Variants in RASAL2 observed in about 807,000 individuals in gnomAD.
The protein encoded by RASAL2 is ras GTPase-activating protein nGAP.
A neutral mutation model predicts 128.9 loss-of-function variants in RASAL2; 58 were observed. The ratio of observed to expected loss-of-function variants is 0.45; its 90% CI spans 0.36 to 0.56. RASAL2 has a LOEUF of 0.56. RASAL2 is among the 20% of genes least tolerant of loss of function. RASAL2 has a pLI of 0.00. For synonymous variants in RASAL2, 561 were observed against 580.8 expected (o/e 0.97, Z 0.49); for missense variants, 1,360 against 1,601.6 (o/e 0.85, Z 2.57).
At chr1:178,330,608 T>A (rs1309994525) in intron 3 of RASAL2, among the ~76,000 whole-genome samples, 1 of 152,138 alleles carries the variant, frequency 6.6e-6, no homozygotes, top group Non-Finnish European at 1.5e-5. Flanking sequence ...AGATTAAAAA[T>A]GTTCTCTGGT....
rs1172478476 is a variant in RASAL2, at chr1:178,124,464, T to A, written c.202+29770T>A. On this transcript the variant is annotated intron_variant, in intron 1 of 17. Transcript: ENST00000367649. ...AGGGTAAGTACCTAGGCTGAGAAACTCTGCCTTAGAGAAATGTTTTCTAAA... is the reference window on the plus strand; with the variant it reads ...AGGGTAAGTACCTAGGCTGAGAAACACTGCCTTAGAGAAATGTTTTCTAAA... Among the ~76,000 whole-genome samples the A allele has an allele frequency of 2.6e-5, 4 of 152,306 alleles. No individual in the cohort carries two copies. In the East Asian group the frequency reaches 7.7e-4, roughly 29 times the overall value.
intron 16 of RASAL2, 94 bp from the exon 17 acceptor site, chr1:178,467,240 T>C (rs915171229): frequency 3.2e-6 from 3 of 949,158 alleles, no homozygotes; most frequent in African/African-American, 3.3e-5. Context: ...AGGTGTCTTA[T>C]TAAAAAGGGC....
intron 9 of RASAL2, among the ~76,000 whole-genome samples, chr1:178,448,280 A>G (rs527976145): frequency 1.4e-3 from 207 of 152,326 alleles, no homozygotes; most frequent in African/African-American, 4.8e-3. Context: ...GAAATTATGG[A>G]AGGTAAAGAA....
chr1:178,259,192 G>A (rs888857168), intron 1 of RASAL2, among the ~76,000 whole-genome samples: 11 of 137,198 alleles, frequency 8.0e-5, no homozygotes, highest in Non-Finnish European at 1.5e-4. Context: ...GTGCAGTGGC[G>A]CAATCTCGGC....
intron 1 of RASAL2, among the ~76,000 whole-genome samples, chr1:178,164,674 T>C (rs1661456481): frequency 6.6e-6 from 1 of 152,150 alleles, no homozygotes. Context: ...TTACTGAGCA[T>C]GGCATTAAAA....
At chr1:178,172,027 C>G (rs1661722207) in intron 1 of RASAL2, among the ~76,000 whole-genome samples, 3 of 151,938 alleles carry the variant, frequency 2.0e-5, no homozygotes, top group Middle Eastern at 3.4e-3. Context: ...TCCATTCATT[C>G]ATTCATTGAT....
chr1:178,474,406 A>G lies in RASAL2; in HGVS notation c.*1167A>G, dbSNP rs975063563. 7 of 152,244 alleles carry G rather than the reference A, an allele frequency of 4.6e-5. No individual in the cohort carries two copies. The highest frequency in any genetic ancestry group is 8.8e-5 in the Non-Finnish European group (6 of 68,044). The allele number at this position is 152,244 out of a possible 1,614,324, so 9.4% of individuals were successfully genotyped here. On this transcript the variant is annotated 3_prime_UTR_variant, in exon 18 of 18. Coordinates refer to ENST00000367649, the MANE Select transcript of RASAL2 (RefSeq NM_170692.4). ...TACTTCTTCCCCTTATCCCCTCAATAAAGAAAGGAAATCCAAATTTGAAGC... is the reference window on the plus strand; with the variant it reads ...TACTTCTTCCCCTTATCCCCTCAATGAAGAAAGGAAATCCAAATTTGAAGC...
At chr1:178,166,474 G>T (rs1031045688) in intron 1 of RASAL2, among the ~76,000 whole-genome samples, 9 of 152,088 alleles carry the variant, frequency 5.9e-5, no homozygotes, top group African/African-American at 2.2e-4. Context: ...TGATTAAAAA[G>T]AACATCTTTT....
intron 2 of RASAL2, among the ~76,000 whole-genome samples, chr1:178,285,679 A>T (rs1666996850): frequency 6.6e-6 from 1 of 152,228 alleles, no homozygotes; most frequent in Non-Finnish European, 1.5e-5. Context: ...TTAGTATAGA[A>T]CATTTCTAAT....
intron 3 of RASAL2, among the ~76,000 whole-genome samples, chr1:178,351,534 A>G (rs1205857580): frequency 6.6e-6 from 1 of 152,134 alleles, no homozygotes; most frequent in Non-Finnish European, 1.5e-5. Context: ...GATCAAGACC[A>G]TCCTGGCTAA....
chr1:178,157,530 A>G (rs553560497), intron 1 of RASAL2, among the ~76,000 whole-genome samples: 14 of 152,288 alleles, frequency 9.2e-5, no homozygotes, highest in African/African-American at 3.4e-4. Flanking sequence ...TCTAATTCCC[A>G]AGGCTGCAGG....
chr1:178,285,144 C>G (rs1362198697), intron 2 of RASAL2, among the ~76,000 whole-genome samples: 1 of 116,476 alleles, frequency 8.6e-6, no homozygotes, highest in South Asian at 2.9e-4. Context: ...GACGGAGTCT[C>G]GCTCTGTCAC....
rs936424165 is a variant in RASAL2, at chr1:178,410,301, A to G, written c.565-10210A>G. Among the ~76,000 whole-genome samples the G allele has an allele frequency of 3.3e-5, 5 of 150,978 alleles. No homozygotes were observed. In the South Asian group the frequency reaches 1.1e-3, roughly 32 times the overall value. On this transcript the variant is annotated intron_variant, in intron 4 of 17. Transcript: ENST00000367649. ...TGATGATAAGATCTAGTGTGTAGAT[A>G]TAAGAGTGGGTGGCTGAAATGTTGA...
chr1:178,145,134 G>T (rs1414392294), intron 1 of RASAL2, among the ~76,000 whole-genome samples: 1 of 152,082 alleles, frequency 6.6e-6, no homozygotes, highest in Non-Finnish European at 1.5e-5. Flanking sequence ...TCCAGAATGA[G>T]TTTTTTACAA....
chr1:178,434,904 C>G (rs965413092), intron 5 of RASAL2, among the ~76,000 whole-genome samples: 1 of 151,916 alleles, frequency 6.6e-6, no homozygotes, highest in Non-Finnish European at 1.5e-5. Flanking sequence ...ACATTTTTCC[C>G]AAAGTGAAAG....
At chr1:178,113,849 AT>A in intron 1 of RASAL2, among the ~76,000 whole-genome samples, 1 of 152,042 alleles carries the variant, frequency 6.6e-6, no homozygotes, top group East Asian at 1.9e-4. Context: ...TTTGTCTTTG[AT>A]TTTTTACTAC....
At chr1:178,344,147 A>C (rs1670027821) in intron 3 of RASAL2, among the ~76,000 whole-genome samples, 1 of 152,136 alleles carries the variant, frequency 6.6e-6, no homozygotes, top group African/African-American at 2.4e-5. Flanking sequence ...TTTTCCCATG[A>C]ACAATCTATA....
intron 1 of RASAL2, among the ~76,000 whole-genome samples, chr1:178,283,132 T>G (rs1666860066): frequency 6.6e-6 from 1 of 152,224 alleles, no homozygotes; most frequent in African/African-American, 2.4e-5. Context: ...AGGCCTAGTC[T>G]GCTGATACAT....
intron 3 of RASAL2, among the ~76,000 whole-genome samples, chr1:178,306,386 G>C (rs558870255): frequency 6.6e-6 from 1 of 152,314 alleles, no homozygotes; most frequent in East Asian, 1.9e-4. Context: ...ATAGCAGCAT[G>C]ATTTATAGTC....
Sources: allele counts gnomAD v4.1 joint callset (sites outside exome capture counted in the v4.1 genomes callset), GRCh38; gene constraint gnomAD v4.1.1; transcripts MANE v1.5; gene names NCBI Gene and HGNC (gene_info 2026-07-23, HGNC 2026-07-21).